LUC7L3: variants seen among roughly 807,000 people sequenced by gnomAD.
The protein encoded by LUC7L3 is LUC7 like 3 pre-mRNA splicing factor.
Under a neutral mutation model 66.8 loss-of-function variants are expected in LUC7L3, and 6 were observed. That is an observed-to-expected ratio of 0.09 (90% CI 0.05 to 0.18). The LOEUF (loss-of-function observed/expected upper bound fraction) is 0.18, where lower values mean the gene tolerates loss of function less well. Among genes scored for constraint, LUC7L3 ranks in the 10% least tolerant of loss-of-function variants. LUC7L3 has a pLI of 1.00. For synonymous variants in LUC7L3, 160 were observed against 174.7 expected, an observed-to-expected ratio of 0.92 and a Z score of 0.66; for missense variants, 341 against 531.1, an observed-to-expected ratio of 0.64 and a Z score of 3.52.
intron 1 of LUC7L3, among the ~76,000 whole-genome samples, chr17:50,732,035 T>G (rs751469203): frequency 1.3e-5 from 2 of 152,158 alleles, no homozygotes; most frequent in South Asian, 4.1e-4. Flanking sequence ...AGACAAGATG[T>G]CATATCCCCA....
At position 50,732,925 on chromosome 17, in the gene LUC7L3, C is replaced by T. The variant is rs117970345; in HGVS notation, c.100-4035C>T. Among the ~76,000 whole-genome samples the T allele has an allele frequency of 6.1e-3, 932 of 152,162 alleles. 19 individuals carry two copies. Among genetic ancestry groups the T allele is most frequent in the Admixed American group, 0.043 (660 of 15,270 alleles). On this transcript the variant is annotated intron_variant, in intron 1 of 9. Coordinates refer to ENST00000505658, the MANE Select transcript of LUC7L3 (RefSeq NM_016424.5). ...CCCTGGTTCTTTAGCAGATAAGCAA[C>T]GGCGAAGATTCATTGTGCTGTGTTG... is the stretch of plus-strand genomic sequence containing the variant.
In LUC7L3 at chr17:50,735,930, C is replaced by T. The variant is rs146365644; in HGVS notation, c.100-1030C>T. ...GGCAAATCACTTGAGGTCAGGAGTTCGAGACCAGCCTGACCAACATGGTGA... is the reference window on the plus strand; with the variant it reads ...GGCAAATCACTTGAGGTCAGGAGTTTGAGACCAGCCTGACCAACATGGTGA... On this transcript the variant is annotated intron_variant, in intron 1 of 9. Transcript: ENST00000505658. 4.6e-3 allele frequency among the ~76,000 whole-genome samples: 703 copies of T among 152,280 alleles called. 9 individuals are homozygous for T. The highest frequency in any genetic ancestry group is 0.016 in the African/African-American group (672 of 41,552).
chr17:50,724,906 T>C lies in LUC7L3; in HGVS notation c.99+5075T>C, dbSNP rs575870703. The stretch of plus-strand genomic sequence containing the variant: ...CCTCCAGAGTAGGTGGAATTACAGG[T>C]GCATGCCACCATGCCTGACTAATTT... On this transcript the variant is annotated intron_variant, in intron 1 of 9. Coordinates refer to ENST00000505658, the MANE Select transcript of LUC7L3 (RefSeq NM_016424.5). 7.0e-4 allele frequency among the ~76,000 whole-genome samples: 107 copies of C among 151,788 alleles called. 1 individual carries two copies. The highest frequency in any genetic ancestry group is 2.2e-3 in the African/African-American group (93 of 41,400).
Position 50,719,611 on chromosome 17 carries a change from G to T in LUC7L3, c.-122G>T. 1 of 736,774 alleles carries T rather than the reference G, an allele frequency of 1.4e-6. No homozygotes were observed. The highest frequency in any genetic ancestry group is 2.6e-4 in the Middle Eastern group (1 of 3,892). 45.6% of individuals were successfully genotyped at this position (736,774 alleles called of 1,614,324 possible). On this transcript the variant is annotated 5_prime_UTR_variant, in exon 1 of 10. Transcript: ENST00000505658. ...CGCGCGGCGGCCATTTTGTCTTGTC[G>T]GCTCCTGTGTGTAGGAGGGATTTCG...
chr17:50,749,782 A>G (rs1384767378), intron 9 of LUC7L3, among the ~76,000 whole-genome samples: 1 of 152,166 alleles, frequency 6.6e-6, no homozygotes, highest in East Asian at 1.9e-4. Flanking sequence ...CTGGTGTACT[A>G]CTTTTACCTC....
In LUC7L3 at chr17:50,751,337, A is replaced by G. The variant is rs1357136532; in HGVS notation, c.*676A>G. ...CGGCCCATGAAAAGCCAAATTAAAA[A>G]TCAAGGATTCAGTCAAACTAAGCAG... is the stretch of plus-strand genomic sequence containing the variant. On this transcript the variant is annotated 3_prime_UTR_variant, in exon 10 of 10. Transcript: ENST00000505658. 6.9e-6 allele frequency: 9 copies of G among 1,298,450 alleles called. No homozygotes were observed. Among genetic ancestry groups the G allele is most frequent in the African/African-American group, 1.5e-5 (1 of 66,248 alleles). 80.4% of individuals were successfully genotyped at this position (1,298,450 alleles called of 1,614,324 possible).
chr17:50,740,924 G>A (rs562179757), intron 3 of LUC7L3, among the ~76,000 whole-genome samples, 178 bp from the exon 4 acceptor site: 11 of 152,334 alleles, frequency 7.2e-5, no homozygotes, highest in South Asian at 2.1e-4. Context: ...GGTAAAGCTA[G>A]TGGTTAAACC....
chr17:50,739,359 T>C (rs758272193), intron 2 of LUC7L3, among the ~76,000 whole-genome samples: 53 of 152,188 alleles, frequency 3.5e-4, no homozygotes, highest in Non-Finnish European at 7.1e-4. Flanking sequence ...TTGAGAAGAA[T>C]TTGAAAATAT....
intron 1 of LUC7L3, among the ~76,000 whole-genome samples, chr17:50,735,594 C>T (rs1969932412): frequency 6.6e-6 from 1 of 152,138 alleles, no homozygotes; most frequent in Admixed American, 6.5e-5. Context: ...CAGCCTCGAC[C>T]TCCCAGGCTC....
intron 2 of LUC7L3, among the ~76,000 whole-genome samples, chr17:50,739,957 G>C (rs1970240767): frequency 6.6e-6 from 1 of 152,176 alleles, no homozygotes; most frequent in Non-Finnish European, 1.5e-5. Context: ...AAATAATAAA[G>C]TCGGCAATGG....
In LUC7L3 at chr17:50,721,235, A is replaced by G. The variant is rs575077687; in HGVS notation, c.99+1404A>G. Among the ~76,000 whole-genome samples the G allele has an allele frequency of 2.6e-3, 392 of 152,312 alleles. 1 individual carries two copies. The highest frequency in any genetic ancestry group is 0.02 in the Middle Eastern group (6 of 294). ...GGCTTATGTTCAATAGGTTATTTGT[A>G]TATTTTGAATTCAAGAGAAAAATGC... On this transcript the variant is annotated intron_variant, in intron 1 of 9. Transcript: ENST00000505658.
At position 50,750,792 on chromosome 17, in the gene LUC7L3, G is replaced by A; in HGVS notation, c.*131G>A. 6.4e-7 allele frequency: 1 copy of A among 1,570,404 alleles called. No homozygotes were observed. The highest frequency in any genetic ancestry group is 8.6e-7 in the Non-Finnish European group (1 of 1,160,144). On this transcript the variant is annotated 3_prime_UTR_variant, in exon 10 of 10. Coordinates refer to ENST00000505658, the MANE Select transcript of LUC7L3 (RefSeq NM_016424.5). ...ATGAAGATGGAACTAAGCCGAGTAA[G>A]AAGACATACAAAAGCCTCTTCTGAA...
rs1379941095 is a variant in LUC7L3 at position 50,752,971 on chromosome 17, A to G, written c.*2310A>G. ...CCAAGTATCCTGACAAGCACTCTTT[A>G]GCTGGCTAGCTATGGGATGATGTAG... is the stretch of plus-strand genomic sequence containing the variant. On this transcript the variant is annotated 3_prime_UTR_variant, in exon 10 of 10. Transcript: ENST00000505658. 2 of 152,122 alleles carry G rather than the reference A, an allele frequency of 1.3e-5. No individual in the cohort carries two copies. The highest frequency in any genetic ancestry group is 4.8e-5 in the African/African-American group (2 of 41,406). 9.4% of individuals were successfully genotyped at this position (152,122 alleles called of 1,614,324 possible).
intron 1 of LUC7L3, 164 bp from the exon 2 acceptor site, chr17:50,736,796 G>A (rs2146734395): frequency 1.8e-6 from 1 of 569,604 alleles, no homozygotes; most frequent in African/African-American, 1.9e-5. Flanking sequence ...AAATTCAGGA[G>A]TCTGAAAATC....
At chr17:50,740,975 C>G (rs1202117931) in intron 3 of LUC7L3, 127 bp from the exon 4 acceptor site, 1 of 897,754 alleles carries the variant, frequency 1.1e-6, no homozygotes, top group Non-Finnish European at 1.8e-6. Context: ...CAGAAAGTCA[C>G]TTCAAATACA....
intron 9 of LUC7L3, chr17:50,749,150 C>A: frequency 8.4e-7 from 1 of 1,185,980 alleles, no homozygotes; most frequent in Non-Finnish European, 1.1e-6. Flanking sequence ...TTTTTTCATC[C>A]ATAGCCCTAA....
chr17:50,743,831 A>G (rs780738658), intron 6 of LUC7L3, 21 bp downstream of exon 6: 4 of 1,512,768 alleles, frequency 2.6e-6, no homozygotes, highest in South Asian at 1.1e-5. Context: ...CTTATTTCAC[A>G]TTATCTCATC....
chr17:50,735,561 A>G (rs1969929786), intron 1 of LUC7L3, among the ~76,000 whole-genome samples: 2 of 151,694 alleles, frequency 1.3e-5, no homozygotes, highest in South Asian at 2.1e-4. Flanking sequence ...GAGTGCAGTA[A>G]ATAGCACAAT....
chr17:50,734,964 G>T (rs550903700), intron 1 of LUC7L3, among the ~76,000 whole-genome samples: 2 of 151,974 alleles, frequency 1.3e-5, no homozygotes, highest in African/African-American at 4.8e-5. Flanking sequence ...TCTGAGCGCG[G>T]TGAGGCCTGT....
Sources: allele counts gnomAD v4.1 joint callset (sites outside exome capture counted in the v4.1 genomes callset), GRCh38; gene constraint gnomAD v4.1.1; transcripts MANE v1.5; gene names NCBI Gene and HGNC (gene_info 2026-07-23, HGNC 2026-07-21).